SNTG1: variants seen among roughly 807,000 people sequenced by gnomAD.
SNTG1 encodes syntrophin gamma 1.
A neutral mutation model predicts 74.7 loss-of-function variants in SNTG1; 39 were observed. The ratio of observed to expected loss-of-function variants is 0.52; its 90% CI spans 0.40 to 0.68. The LOEUF (loss-of-function observed/expected upper bound fraction) is 0.68. Ranked by LOEUF, SNTG1 falls within the 30% of genes least tolerant of loss-of-function variation. The pLI, the probability that SNTG1 is intolerant of heterozygous loss-of-function variation, is 0.00. For missense variants in SNTG1, 685 were observed against 609.5 expected (o/e 1.12, Z -1.30); for synonymous variants, 254 against 217.1 (o/e 1.17, Z -1.49).
intron 12 of SNTG1, among the ~76,000 whole-genome samples, chr8:50,565,029 A>T (rs1336608048): frequency 2.0e-5 from 3 of 152,028 alleles, no homozygotes; most frequent in Admixed American, 1.3e-4. Context: ...TACCCTTGAT[A>T]TGATGTAACA....
chr8:50,655,386 C>A (rs2095173672), intron 13 of SNTG1, among the ~76,000 whole-genome samples: 1 of 152,058 alleles, frequency 6.6e-6, no homozygotes, highest in South Asian at 2.1e-4. Context: ...ACAAAATAAT[C>A]AGTTATTATA....
At chr8:50,463,448 T>C (rs149035891) in intron 8 of SNTG1, among the ~76,000 whole-genome samples, 1 of 152,300 alleles carries the variant, frequency 6.6e-6, no homozygotes, top group Admixed American at 6.5e-5. Flanking sequence ...GGCTTCAGAA[T>C]GGATGCTGTG....
chr8:50,551,531 A>T (rs946443410), intron 11 of SNTG1, among the ~76,000 whole-genome samples: 2 of 152,180 alleles, frequency 1.3e-5, no homozygotes, highest in Non-Finnish European at 2.9e-5. Context: ...AGCAGAAAGA[A>T]ATATGTATTA....
chr8:50,255,706 A>T (rs2086849220), intron 2 of SNTG1, among the ~76,000 whole-genome samples: 1 of 152,192 alleles, frequency 6.6e-6, no homozygotes, highest in South Asian at 2.1e-4. Flanking sequence ...TTATCAGAAC[A>T]TCATTTGCAT....
At chr8:50,403,194 T>C (rs2092828432) in intron 4 of SNTG1, among the ~76,000 whole-genome samples, 1 of 152,196 alleles carries the variant, frequency 6.6e-6, no homozygotes, top group Non-Finnish European at 1.5e-5. Context: ...CTATTTAGCA[T>C]GGAGATTTAA....
chr8:50,570,938 G>C (rs1563591990), intron 12 of SNTG1, among the ~76,000 whole-genome samples: 2 of 151,922 alleles, frequency 1.3e-5, no homozygotes, highest in Non-Finnish European at 2.9e-5. Flanking sequence ...CCTCCACACA[G>C]TTTTCCATAG....
At chr8:50,549,473 T>C (rs1044748796) in intron 11 of SNTG1, among the ~76,000 whole-genome samples, 1 of 152,154 alleles carries the variant, frequency 6.6e-6, no homozygotes, top group African/African-American at 2.4e-5. Flanking sequence ...TCATTGTTCA[T>C]TTTGTGTACT....
At chr8:50,619,439 T>C (rs1438702635) in intron 13 of SNTG1, among the ~76,000 whole-genome samples, 1 of 152,142 alleles carries the variant, frequency 6.6e-6, no homozygotes, top group Non-Finnish European at 1.5e-5. Flanking sequence ...ATAAGCTACA[T>C]GGCTCACAGG....
intron 15 of SNTG1, among the ~76,000 whole-genome samples, chr8:50,699,547 T>G (rs2095416569): frequency 6.6e-6 from 1 of 152,186 alleles, no homozygotes; most frequent in South Asian, 2.1e-4. Flanking sequence ...AATATTGCTT[T>G]ATAAATCTGA....
At chr8:50,689,978 A>G (rs916986867) in intron 15 of SNTG1, among the ~76,000 whole-genome samples, 1 of 152,112 alleles carries the variant, frequency 6.6e-6, no homozygotes, top group African/African-American at 2.4e-5. Flanking sequence ...TAGTCTTGGG[A>G]GGATGTATGT....
At chr8:49,916,782 G>C (rs1042963238) in intron 1 of SNTG1, among the ~76,000 whole-genome samples, 15 of 151,832 alleles carry the variant, frequency 9.9e-5, no homozygotes, top group African/African-American at 3.4e-4. Context: ...GAGGCAAGAG[G>C]ATCACTTGAA....
At chr8:50,545,969 A>C (rs1006990947) in intron 11 of SNTG1, among the ~76,000 whole-genome samples, 1 of 152,158 alleles carries the variant, frequency 6.6e-6, no homozygotes. Context: ...TGTTCATTGA[A>C]GGAGGGAAAC....
intron 1 of SNTG1, among the ~76,000 whole-genome samples, chr8:49,971,256 A>G (rs1811643387): frequency 6.6e-6 from 1 of 152,206 alleles, no homozygotes; most frequent in Non-Finnish European, 1.5e-5. Context: ...AACAGAACCA[A>G]GACAAAAACC....
intron 5 of SNTG1, among the ~76,000 whole-genome samples, chr8:50,440,648 A>G (rs935774811): frequency 3.9e-5 from 6 of 152,198 alleles, no homozygotes; most frequent in Admixed American, 6.5e-5. Context: ...ATGCATATAA[A>G]TACATAAACG....
At chr8:50,162,520 C>T (rs1043785647) in intron 1 of SNTG1, among the ~76,000 whole-genome samples, 2 of 148,602 alleles carry the variant, frequency 1.3e-5, no homozygotes, top group Admixed American at 6.8e-5. Context: ...CGAGTTCACG[C>T]CACTGCACTC....
rs1439038096 is a variant in SNTG1 at position 50,796,372 on chromosome 8, TTTA to T, written c.*3546_*3548del. The T allele has an allele frequency of 1.3e-5, 2 of 151,988 alleles. No individual in the cohort carries two copies. Among genetic ancestry groups the T allele is most frequent in the African/African-American group, 2.4e-5 (1 of 41,450 alleles). 9.4% of individuals were successfully genotyped at this position (151,988 alleles called of 1,614,324 possible). On this transcript the variant is annotated 3_prime_UTR_variant, in exon 19 of 19. Transcript: ENST00000642720. The stretch of plus-strand genomic sequence containing the variant: ...TTTATTCATACTTCTAAAATTGTTC[TTTA>T]TTGTTTATTCTTACTACCGAATACT...
At chr8:50,559,123 G>T (rs931051794) in intron 12 of SNTG1, among the ~76,000 whole-genome samples, 2 of 152,172 alleles carry the variant, frequency 1.3e-5, no homozygotes, top group East Asian at 3.9e-4. Flanking sequence ...AATCATGCCA[G>T]ATAGAGGCTT....
chr8:50,474,149 C>T (rs750730861), intron 8 of SNTG1, among the ~76,000 whole-genome samples: 1 of 151,998 alleles, frequency 6.6e-6, no homozygotes, highest in Non-Finnish European at 1.5e-5. Context: ...CAATACCATT[C>T]AGGACATAGG....
chr8:50,075,037 C>T (rs974134419), intron 1 of SNTG1, among the ~76,000 whole-genome samples: 11 of 152,206 alleles, frequency 7.2e-5, no homozygotes, highest in African/African-American at 2.4e-4. Flanking sequence ...ACTGGGTCCC[C>T]CAGCACTGCC....
Sources: gnomAD v4.1 joint callset for allele counts (sites outside exome capture counted in the v4.1 genomes callset) on GRCh38, gnomAD v4.1.1 for gene constraint, MANE v1.5 for transcripts, NCBI Gene and HGNC (gene_info 2026-07-23, HGNC 2026-07-21) for gene names.